The following EGFR variants were observed in gnomAD, a reference collection of about 807,000 sequenced individuals.
EGFR encodes avian erythroblastic leukemia viral (v-erb-b) oncogene homolog.
Under a neutral mutation model 143.0 loss-of-function variants are expected in EGFR, and 58 were observed. That is an observed-to-expected ratio of 0.41 (90% CI 0.33 to 0.50). EGFR has a LOEUF of 0.50. Ranked by LOEUF, EGFR falls within the 20% of genes least tolerant of loss-of-function variation. EGFR has a pLI of 0.39. For missense variants in EGFR, 1,307 were observed against 1,579.0 expected, an observed-to-expected ratio of 0.83 and a Z score of 2.92; for synonymous variants, 613 against 594.4, an observed-to-expected ratio of 1.03 and a Z score of -0.45.
intron 16 of EGFR, among the ~76,000 whole-genome samples, chr7:55,171,516 G>A (rs1435392085): frequency 6.6e-6 from 1 of 152,226 alleles, no homozygotes; most frequent in Non-Finnish European, 1.5e-5. Context: ...TGGTTTTGCT[G>A]GGTCCTTCTG....
intron 19 of EGFR, among the ~76,000 whole-genome samples, chr7:55,177,854 C>T (rs1363077406): frequency 3.3e-5 from 5 of 152,222 alleles, no homozygotes; most frequent in Admixed American, 2.6e-4. Context: ...CTGTAGGTCA[C>T]GGTGCACGTT....
intron 1 of EGFR, among the ~76,000 whole-genome samples, chr7:55,063,463 C>T (rs1789311977): frequency 6.6e-6 from 1 of 152,070 alleles, no homozygotes; most frequent in Non-Finnish European, 1.5e-5. Flanking sequence ...GATTAAAAGA[C>T]CAGGTGTATG....
In EGFR at chr7:55,061,649, T is replaced by TGTGTGAGA. The variant is rs1432070752; in HGVS notation, c.88+42285_88+42286insTGTGAGAG. Among the ~76,000 whole-genome samples, 1,249 of 132,750 alleles carry TGTGTGAGA rather than the reference T, an allele frequency of 9.4e-3. 13 individuals carry two copies. Among genetic ancestry groups the TGTGTGAGA allele is most frequent in the Non-Finnish European group, 0.013 (823 of 62,688 alleles). 87.1% of individuals were successfully genotyped at this position (132,750 alleles called of 152,430 possible). A position where few individuals can be genotyped will look rare whatever the true frequency, so the allele number is the denominator to read the frequency against. Reference sequence around the variant, plus strand: ...GTGTGTGTGTGTGTGTGTGTGTGTGTGAGAGAGAGAGAGAGAGAGAGAGAC... The same window carrying TGTGTGAGA: ...GTGTGTGTGTGTGTGTGTGTGTGTGTGTGTGAGAGAGAGAGAGAGAGAGAGAGAGAGAC... On this transcript the variant is annotated intron_variant, in intron 1 of 27. Coordinates refer to ENST00000275493, the MANE Select transcript of EGFR (RefSeq NM_005228.5).
chr7:55,064,949 C>T (rs754966919), intron 1 of EGFR, among the ~76,000 whole-genome samples: 6 of 152,036 alleles, frequency 3.9e-5, no homozygotes, highest in Non-Finnish European at 8.8e-5. Context: ...GACAACACTG[C>T]GTCCTCCTGG....
At chr7:55,032,083 A>G (rs1787282101) in intron 1 of EGFR, among the ~76,000 whole-genome samples, 1 of 151,928 alleles carries the variant, frequency 6.6e-6, no homozygotes, top group South Asian at 2.1e-4. Flanking sequence ...AGTTGAGAGA[A>G]CCTCTAGGTA....
chr7:55,150,199 G>A (rs941585496), intron 4 of EGFR, among the ~76,000 whole-genome samples: 6 of 152,204 alleles, frequency 3.9e-5, no homozygotes, highest in African/African-American at 1.4e-4. Flanking sequence ...AAAATTATAT[G>A]TGAGTACAGG....
In EGFR at chr7:55,205,898, G is replaced by GA. The variant is rs5884404; in HGVS notation, c.*294dup. 0.36 allele frequency: 129,987 copies of GA among 364,210 alleles called. 13,410 individuals are homozygous for GA. The highest frequency in any genetic ancestry group is 0.56 in the African/African-American group (26,438 of 47,350). 22.6% of individuals were successfully genotyped at this position (364,210 alleles called of 1,614,324 possible). A position where few individuals can be genotyped will look rare whatever the true frequency, so the allele number is the denominator to read the frequency against. ...ATTTATCTTTCAAAGAGGTATATTT[G>GA]AAAAAAAAAAAAAGTATATGTGAGG... On this transcript the variant is annotated 3_prime_UTR_variant, in exon 28 of 28. Transcript: ENST00000275493.
At chr7:55,181,928 A>G (rs984626232) in intron 20 of EGFR, 1 of 270,810 alleles carries the variant, frequency 3.7e-6, no homozygotes, top group Admixed American at 4.9e-5. Flanking sequence ...AGGAGGTGCA[A>G]GGAGCTGACA....
chr7:55,208,411 T>G lies in EGFR; in HGVS notation c.*2794T>G, dbSNP rs1208291779. 6.6e-6 allele frequency: 1 copy of G among 152,240 alleles called. No homozygotes were observed. Among genetic ancestry groups the G allele is most frequent in the Non-Finnish European group, 1.5e-5 (1 of 68,060 alleles). The allele number at this position is 152,240 out of a possible 1,614,324, so 9.4% of individuals were successfully genotyped here. A position where few individuals can be genotyped will look rare whatever the true frequency, so the allele number is the denominator to read the frequency against. On this transcript the variant is annotated 3_prime_UTR_variant, in exon 28 of 28. Coordinates refer to ENST00000275493, the MANE Select transcript of EGFR (RefSeq NM_005228.5). ...ACAGAAAGCCTGTCCATTGGCTGTT[T>G]CTTCCTCAGTCAGTTCCTGGAAGAC...
intron 1 of EGFR, among the ~76,000 whole-genome samples, chr7:55,137,060 G>T (rs1018675122): frequency 1.3e-5 from 2 of 152,162 alleles, no homozygotes; most frequent in African/African-American, 4.8e-5. Flanking sequence ...AATAAGTAGT[G>T]ATCACTGCCA....
At chr7:55,074,395 A>G (rs542478713) in intron 1 of EGFR, among the ~76,000 whole-genome samples, 2 of 152,344 alleles carry the variant, frequency 1.3e-5, no homozygotes, top group East Asian at 3.9e-4. Context: ...GAAAGTTATG[A>G]CAATGTAATC....
intron 1 of EGFR, among the ~76,000 whole-genome samples, chr7:55,023,250 C>A (rs1786675986): frequency 6.6e-6 from 1 of 152,156 alleles, no homozygotes; most frequent in African/African-American, 2.4e-5. Context: ...TAGTTATGAG[C>A]TTATTTAACA....
Position 55,156,517 on chromosome 7 carries a change from T to C in EGFR, c.1007-16T>C, listed in dbSNP as rs773309327. 1 of 1,614,118 alleles carries C rather than the reference T, an allele frequency of 6.2e-7. No homozygotes were observed. The highest frequency in any genetic ancestry group is 8.5e-7 in the Non-Finnish European group (1 of 1,180,024). ...AACAAATGTGAACGGAATACACGTCTCTCTTATCTCTGCAGTGTGTAACGG... is the reference window on the plus strand; with the variant it reads ...AACAAATGTGAACGGAATACACGTCCCTCTTATCTCTGCAGTGTGTAACGG... On this transcript the variant is annotated splice_polypyrimidine_tract_variant and intron_variant, in intron 8 of 27. Coordinates refer to ENST00000275493, the MANE Select transcript of EGFR (RefSeq NM_005228.5).
intron 1 of EGFR, among the ~76,000 whole-genome samples, chr7:55,027,183 G>C (rs969676716): frequency 1.3e-5 from 2 of 152,194 alleles, no homozygotes; most frequent in Non-Finnish European, 2.9e-5. Context: ...CTGAGAAAGA[G>C]AGACACATAC....
At chr7:55,098,648 C>A (rs953145520) in intron 1 of EGFR, among the ~76,000 whole-genome samples, 1 of 152,116 alleles carries the variant, frequency 6.6e-6, no homozygotes, top group African/African-American at 2.4e-5. Context: ...GTTTGCTTAT[C>A]TATAATTCTA....
chr7:55,204,668 C>G (rs1044820358), intron 27 of EGFR, among the ~76,000 whole-genome samples: 1 of 137,338 alleles, frequency 7.3e-6, no homozygotes, highest in African/African-American at 2.7e-5. Context: ...ACCACACACA[C>G]GTACACACAC....
At chr7:55,106,579 G>C (rs1792145256) in intron 1 of EGFR, among the ~76,000 whole-genome samples, 1 of 152,166 alleles carries the variant, frequency 6.6e-6, no homozygotes, top group Non-Finnish European at 1.5e-5. Flanking sequence ...GGCCTGCACT[G>C]CCTGTGCACT....
intron 11 of EGFR, among the ~76,000 whole-genome samples, chr7:55,159,572 C>T (rs1210300111): frequency 6.6e-6 from 1 of 152,182 alleles, no homozygotes; most frequent in Non-Finnish European, 1.5e-5. Context: ...TGGTCAGAGG[C>T]CCCTGCTCTT....
intron 1 of EGFR, among the ~76,000 whole-genome samples, chr7:55,140,584 G>A (rs4947982): frequency 0.42 from 63,625 of 152,080 alleles, 14,213 homozygotes; most frequent in East Asian, 0.68. Context: ...CTATCTGCAT[G>A]TGTAGCCGAC....
Sources: allele counts gnomAD v4.1 joint callset (sites outside exome capture counted in the v4.1 genomes callset), GRCh38; gene constraint gnomAD v4.1.1; transcripts MANE v1.5; gene names NCBI Gene and HGNC (gene_info 2026-07-23, HGNC 2026-07-21).